ARHGAP31: variants seen among roughly 807,000 people sequenced by gnomAD.
ARHGAP31 encodes rho GTPase-activating protein 31.
Under a neutral mutation model 113.9 loss-of-function variants are expected in ARHGAP31, and 34 were observed. The ratio of observed to expected loss-of-function variants is 0.30; its 90% CI spans 0.23 to 0.40. The LOEUF (loss-of-function observed/expected upper bound fraction) is 0.40. Ranked by LOEUF, ARHGAP31 falls within the 10% of genes least tolerant of loss-of-function variation. The probability of loss-of-function intolerance (pLI) is 1.00; values close to 1 mark genes in which losing one functional copy is unlikely to be tolerated. For missense variants in ARHGAP31, 1,548 were observed against 1,767.1 expected (o/e 0.88, Z 2.22); for synonymous variants, 650 against 684.8 (o/e 0.95, Z 0.79).
chr3:119,391,589 A>ACCCCCCC (rs368549202), intron 7 of ARHGAP31, among the ~76,000 whole-genome samples: 15 of 103,756 alleles, frequency 1.4e-4, no homozygotes, highest in Admixed American at 2.9e-4. Flanking sequence ...CTGGGTCTCT[A>ACCCCCCC]CCCCCCCCTC....
chr3:119,395,368 C>A (rs912709276), intron 8 of ARHGAP31, among the ~76,000 whole-genome samples: 53 of 152,194 alleles, frequency 3.5e-4, no homozygotes, highest in Middle Eastern at 3.2e-3. Flanking sequence ...CAGTTGAACA[C>A]CCTGATAGAG....
intron 1 of ARHGAP31, among the ~76,000 whole-genome samples, chr3:119,309,447 C>A (rs1490567587): frequency 6.6e-6 from 1 of 152,038 alleles, no homozygotes; most frequent in African/African-American, 2.4e-5. Flanking sequence ...TGAAAACAGC[C>A]CTAGGAGGTC....
chr3:119,398,594 A>C (rs978787638), intron 8 of ARHGAP31, among the ~76,000 whole-genome samples: 1 of 152,256 alleles, frequency 6.6e-6, no homozygotes, highest in Non-Finnish European at 1.5e-5. Context: ...GGTGGCTTAC[A>C]AAGATGCATG....
At chr3:119,351,851 G>A (rs1295907072) in intron 1 of ARHGAP31, among the ~76,000 whole-genome samples, 1 of 152,200 alleles carries the variant, frequency 6.6e-6, no homozygotes, top group African/African-American at 2.4e-5. Context: ...AGGAGCAGGT[G>A]GCAAGAAAGC....
At chr3:119,322,974 C>G (rs527389861) in intron 1 of ARHGAP31, among the ~76,000 whole-genome samples, 6 of 152,224 alleles carry the variant, frequency 3.9e-5, no homozygotes, top group African/African-American at 1.4e-4. Context: ...AGGGAACGGA[C>G]TCGTTTCTGC....
intron 11 of ARHGAP31, 147 bp from the exon 12 acceptor site, chr3:119,413,709 T>TA: frequency 9.7e-7 from 1 of 1,032,298 alleles, no homozygotes; most frequent in Non-Finnish European, 1.5e-6. Flanking sequence ...AGCACTCAAA[T>TA]AGCCACAGGT....
At chr3:119,341,991 G>A (rs939778917) in intron 1 of ARHGAP31, 4 of 152,106 alleles carry the variant, frequency 2.6e-5, no homozygotes, top group African/African-American at 9.7e-5. Flanking sequence ...CTCCTAAAAT[G>A]TTGATCAAAA....
intron 2 of ARHGAP31, among the ~76,000 whole-genome samples, chr3:119,366,914 C>T (rs2080256394): frequency 6.6e-6 from 1 of 151,858 alleles, no homozygotes; most frequent in African/African-American, 2.4e-5. Flanking sequence ...CAAGCCTGGC[C>T]AACATGATGA....
chr3:119,295,145 T>C (rs926943007), intron 1 of ARHGAP31, 141 bp downstream of exon 1: 3 of 785,332 alleles, frequency 3.8e-6, no homozygotes, highest in African/African-American at 3.5e-5. Context: ...TTTTTCTTTT[T>C]TTTTTTTAAA....
chr3:119,305,306 T>C (rs2079622071), intron 1 of ARHGAP31, among the ~76,000 whole-genome samples: 1 of 152,204 alleles, frequency 6.6e-6, no homozygotes, highest in Non-Finnish European at 1.5e-5. Context: ...TTAATAAAAC[T>C]TCTGGCAATT....
At chr3:119,333,326 T>C (rs1030517392) in intron 1 of ARHGAP31, among the ~76,000 whole-genome samples, 1 of 152,228 alleles carries the variant, frequency 6.6e-6, no homozygotes, top group African/African-American at 2.4e-5. Flanking sequence ...TTTCTAACTG[T>C]TGTACATTTC....
chr3:119,388,180 G>A (rs1005570377), intron 6 of ARHGAP31, among the ~76,000 whole-genome samples: 2 of 151,912 alleles, frequency 1.3e-5, no homozygotes, highest in Non-Finnish European at 1.5e-5. Context: ...GGGAGAAACT[G>A]TTCAAATTTC....
At chr3:119,388,308 T>TATATATATATATATAAA (rs1553765977) in intron 6 of ARHGAP31, among the ~76,000 whole-genome samples, 1 of 133,734 alleles carries the variant, frequency 7.5e-6, no homozygotes, top group African/African-American at 2.7e-5. Flanking sequence ...TGTATAATTT[T>TATATATATATATATAAA]TATATATATA....
intron 1 of ARHGAP31, among the ~76,000 whole-genome samples, chr3:119,344,885 A>G (rs2080041512): frequency 6.6e-6 from 1 of 152,048 alleles, no homozygotes; most frequent in Non-Finnish European, 1.5e-5. Context: ...AACCAACCAT[A>G]GTTTTTTTAC....
chr3:119,390,280 A>G (rs1559989766), intron 6 of ARHGAP31, among the ~76,000 whole-genome samples: 1 of 152,256 alleles, frequency 6.6e-6, no homozygotes, highest in Non-Finnish European at 1.5e-5. Flanking sequence ...ATATAAGCCT[A>G]GATGATCTGA....
chr3:119,298,153 A>G (rs2079549621), intron 1 of ARHGAP31, among the ~76,000 whole-genome samples: 1 of 152,136 alleles, frequency 6.6e-6, no homozygotes, highest in Non-Finnish European at 1.5e-5. Flanking sequence ...GGCTCCTGGC[A>G]GACTTGCCAA....
At chr3:119,389,301 G>T (rs2080483092) in intron 6 of ARHGAP31, among the ~76,000 whole-genome samples, 1 of 152,182 alleles carries the variant, frequency 6.6e-6, no homozygotes, top group Non-Finnish European at 1.5e-5. Flanking sequence ...TTCTGACCCT[G>T]CAGTTTATGT....
intron 1 of ARHGAP31, among the ~76,000 whole-genome samples, chr3:119,323,364 C>T (rs895595099): frequency 6.6e-6 from 1 of 152,314 alleles, no homozygotes; most frequent in Admixed American, 6.5e-5. Context: ...ATGGGCTTCT[C>T]GCGCCCCAGG....
chr3:119,297,937 C>CAT (rs2079547494), intron 1 of ARHGAP31, among the ~76,000 whole-genome samples: 1 of 151,440 alleles, frequency 6.6e-6, no homozygotes, highest in African/African-American at 2.4e-5. Context: ...CACACACACA[C>CAT]ACACACACCG....
Sources: gnomAD v4.1 joint callset for allele counts (sites outside exome capture counted in the v4.1 genomes callset) on GRCh38, gnomAD v4.1.1 for gene constraint, MANE v1.5 for transcripts, NCBI Gene and HGNC (gene_info 2026-07-23, HGNC 2026-07-21) for gene names.